MTUS1: variants seen among roughly 807,000 people sequenced by gnomAD.
The protein encoded by MTUS1 is microtubule associated scaffold protein 1, also known as microtubule-associated tumor suppressor 1.
MTUS1 carries 109 observed loss-of-function variants against 120.8 expected under a neutral mutation model. The observed-to-expected ratio is 0.90, with a 90% confidence interval of 0.77 to 1.06. The LOEUF is 1.06. MTUS1 is among the 50% of genes least tolerant of loss of function. MTUS1 has a pLI of 0.00. For missense variants in MTUS1, 2,210 were observed against 1,486.3 expected (o/e 1.49, Z -8.01); for synonymous variants, 737 against 550.5 (o/e 1.34, Z -4.74).
chr8:17,742,788 G>C (rs1254045120), intron 3 of MTUS1, among the ~76,000 whole-genome samples: 2 of 152,160 alleles, frequency 1.3e-5, no homozygotes, highest in Non-Finnish European at 2.9e-5. Flanking sequence ...TCTGGGATTT[G>C]CTCGCTTTCA....
chr8:17,793,312 G>A (rs948892190), intron 1 of MTUS1, among the ~76,000 whole-genome samples: 2 of 152,110 alleles, frequency 1.3e-5, no homozygotes, highest in Admixed American at 6.6e-5. Context: ...AGCCATGGCC[G>A]TTCAGTCGGA....
Position 17,691,012 on chromosome 8 carries a change from G to A in MTUS1, c.2624-6470C>T, listed in dbSNP as rs542343600. 6.5e-4 allele frequency among the ~76,000 whole-genome samples: 99 copies of A among 151,952 alleles called. No individual in the cohort carries two copies. The South Asian group carries it at 0.011, about 17-fold the overall frequency. The stretch of plus-strand genomic sequence containing the variant: ...AAAAGCATCATTACATTAATTTATA[G>A]GGTAATTATCTATTAATTAACCAGA... On this transcript the variant is annotated intron_variant, in intron 6 of 14. Transcript: ENST00000693296.
rs1187403417 is a variant in MTUS1, at chr8:17,755,490, A to C, written c.318T>G (p.Pro106=). The C allele has an allele frequency of 6.2e-7, 1 of 1,614,060 alleles. No homozygotes were observed. The highest frequency in any genetic ancestry group is 8.5e-7 in the Non-Finnish European group (1 of 1,179,986). The change falls in exon 2 of 15, where the codon CCT becomes CCG. Residue 106 remains proline (P), a synonymous_variant. Transcript: ENST00000693296. ...TGGGCTTCTCAGTACCTACAAGTGC[A>C]GGACACTGACAAATAGAATCTTTAT... is the stretch of plus-strand genomic sequence containing the variant. The part of the protein sequence containing the change: ...DMHKDSICQC[P]ALVGTEKPKY...
chr8:17,649,918 C>T lies in MTUS1; in HGVS notation c.3429G>A (p.Leu1143=). The T allele has an allele frequency of 6.2e-7, 1 of 1,612,384 alleles. No homozygotes were observed. The highest frequency in any genetic ancestry group is 8.5e-7 in the Non-Finnish European group (1 of 1,178,592). The change falls in exon 13 of 15, where the codon CTG becomes CTA. Residue 1143 remains leucine, a synonymous_variant. Transcript: ENST00000693296. ...CATTCTTGATCTCTAACACAGCTTT[C>T]AGGCTTTCTAACTCCTGTTCTAGAT... The part of the protein sequence containing the change: ...IMYLEQELES[L]KAVLEIKNEK...
chr8:17,782,423 C>T (rs1045174458), intron 1 of MTUS1, among the ~76,000 whole-genome samples: 4 of 152,176 alleles, frequency 2.6e-5, no homozygotes, highest in East Asian at 3.9e-4. Flanking sequence ...TTATCTTCTG[C>T]TACGCCTCTA....
intron 8 of MTUS1, among the ~76,000 whole-genome samples, chr8:17,672,351 T>C (rs28432130): frequency 0.05 from 7,662 of 152,198 alleles, 640 homozygotes; most frequent in African/African-American, 0.17. Context: ...ACAATTAGCA[T>C]CGCCATTTTT....
chr8:17,656,141 C>G (rs1808175845), intron 8 of MTUS1, 76 bp from the exon 9 acceptor site: 10 of 1,323,868 alleles, frequency 7.6e-6, no homozygotes, highest in South Asian at 2.4e-5. Flanking sequence ...CAGTCACACA[C>G]AGCTGTGATG....
At position 17,755,175 on chromosome 8, in the gene MTUS1, G is replaced by C. The variant is rs750623702; in HGVS notation, c.633C>G (p.Ser211=). ...CTCTTGCATGCGTCTTATCAGAATG[G>C]GAAGATGTCCAAGTGGAATAGGATA... is the stretch of plus-strand genomic sequence containing the variant. ...SSLSYSTWTS[S]HSDKTHARET... Residue 211 remains serine (S), a synonymous_variant, in exon 2 of 15, where the codon TCC becomes TCG. Transcript: ENST00000693296. 3.7e-6 allele frequency: 6 copies of C among 1,614,138 alleles called. No individual in the cohort carries two copies. The Admixed American group carries it at 6.7e-5, about 18-fold the overall frequency.
At chr8:17,671,820 T>A (rs1316262351) in intron 8 of MTUS1, among the ~76,000 whole-genome samples, 1 of 152,146 alleles carries the variant, frequency 6.6e-6, no homozygotes, top group Non-Finnish European at 1.5e-5. Flanking sequence ...CCCATTATTT[T>A]GGAGGGAAGA....
chr8:17,728,998 C>G (rs561993471), intron 3 of MTUS1, among the ~76,000 whole-genome samples: 4 of 152,266 alleles, frequency 2.6e-5, no homozygotes, highest in African/African-American at 7.2e-5. Flanking sequence ...ACACAAGTGG[C>G]AAGGCCACTA....
At chr8:17,680,907 T>G (rs980134636) in intron 7 of MTUS1, among the ~76,000 whole-genome samples, 24 of 151,982 alleles carry the variant, frequency 1.6e-4, no homozygotes, top group Middle Eastern at 3.2e-3. Flanking sequence ...GAATACAAGG[T>G]GGACTTGTGT....
intron 2 of MTUS1, among the ~76,000 whole-genome samples, chr8:17,751,411 C>T (rs577965461): frequency 7.9e-5 from 12 of 152,276 alleles, no homozygotes; most frequent in Admixed American, 2.0e-4. Context: ...CAGGAAAACA[C>T]GCAGCAAATT....
intron 6 of MTUS1, among the ~76,000 whole-genome samples, chr8:17,696,892 C>T (rs148765558): frequency 6.9e-4 from 105 of 152,276 alleles, no homozygotes; most frequent in Non-Finnish European, 1.2e-3. Flanking sequence ...TCTACACAGG[C>T]GAACAGGAAA....
At chr8:17,730,722 G>A (rs1431873512) in intron 3 of MTUS1, among the ~76,000 whole-genome samples, 1 of 152,190 alleles carries the variant, frequency 6.6e-6, no homozygotes, top group Non-Finnish European at 1.5e-5. Flanking sequence ...AGTGAAATAA[G>A]CCAGTTATAA....
chr8:17,774,971 T>TAAAAAAAAA (rs76567642), intron 1 of MTUS1, among the ~76,000 whole-genome samples: 15 of 96,704 alleles, frequency 1.6e-4, no homozygotes, highest in Admixed American at 2.5e-4. Flanking sequence ...ATATTATAAG[T>TAAAAAAAAA]AAAAAAAAAA....
In MTUS1 at chr8:17,723,805, C is replaced by T. The variant is rs377255695; in HGVS notation, c.2316G>A (p.Gln772=). 19 of 1,600,610 alleles carry T rather than the reference C, an allele frequency of 1.2e-5. 1 individual carries two copies. The African/African-American group carries it at 2.4e-4, about 20-fold the overall frequency. ...SGKPTSLKTA[Q]SSWVNLPRPL... is the part of the protein sequence containing the mutation. ...GTCTAGGCAAATTCACCCATGACGACTGTGCAGTTTTCAAGGATGTAGGCT... is the reference window on the plus strand; with the variant it reads ...GTCTAGGCAAATTCACCCATGACGATTGTGCAGTTTTCAAGGATGTAGGCT... Residue 772 remains glutamine, a synonymous_variant, in exon 4 of 15, where the codon CAG becomes CAA. Coordinates refer to ENST00000693296, the MANE Select transcript of MTUS1 (RefSeq NM_001363059.2).
At chr8:17,743,511 T>G (rs898681120) in intron 3 of MTUS1, 93 bp downstream of exon 3, 1 of 1,211,604 alleles carries the variant, frequency 8.3e-7, no homozygotes. Context: ...AAAGGCTAAC[T>G]GCTTTAGTGA....
Position 17,655,848 on chromosome 8 carries a change from T to G in MTUS1, c.3108+15A>C. ...GCAGAGGCCTCAGACAAGCTCTGGC[T>G]GCAAAAGCACAGACCTGCTCTTGCA... On this transcript the variant is annotated intron_variant, in intron 9 of 14. Coordinates refer to ENST00000693296, the MANE Select transcript of MTUS1 (RefSeq NM_001363059.2). 6.2e-7 allele frequency: 1 copy of G among 1,613,678 alleles called. No individual in the cohort carries two copies. The highest frequency in any genetic ancestry group is 8.5e-7 in the Non-Finnish European group (1 of 1,179,576).
rs1377562764 is a variant in MTUS1 at position 17,754,688 on chromosome 8, T to A, written c.1120A>T (p.Thr374Ser). 6.2e-7 allele frequency: 1 copy of A among 1,614,118 alleles called. No homozygotes were observed. The highest frequency in any genetic ancestry group is 1.3e-5 in the African/African-American group (1 of 74,942). The change falls in exon 2 of 15, where the codon ACT becomes TCT. Residue 374 changes from threonine (T) to serine (S), a missense_variant. Coordinates refer to ENST00000693296, the MANE Select transcript of MTUS1 (RefSeq NM_001363059.2). ...TTGGAGACCATTTGTGTGTCTTCAG[T>A]CTCAGTGACTTTATGCTCTGGGTTC... Reference protein sequence around the residue: ...VLNPEHKVTETEDTQMVSKGK... With the variant: ...VLNPEHKVTESEDTQMVSKGK...
Sources: gnomAD v4.1 joint callset for allele counts (sites outside exome capture counted in the v4.1 genomes callset) on GRCh38, gnomAD v4.1.1 for gene constraint, MANE v1.5 for transcripts, NCBI Gene and HGNC (gene_info 2026-07-23, HGNC 2026-07-21) for gene names.